ZNF415: variants seen among roughly 807,000 people sequenced by gnomAD.
The protein encoded by ZNF415 is zinc finger protein 415.
In ZNF415, 5 loss-of-function variants were observed where a neutral mutation model predicts 7.3. The observed-to-expected ratio is 0.69, with a 90% CI of 0.36 to 1.44. The LOEUF (loss-of-function observed/expected upper bound fraction) is 1.44, where lower values mean the gene tolerates loss of function less well. Among genes scored for constraint, ZNF415 ranks in the 40% most tolerant of loss-of-function variants. ZNF415 has a pLI of 0.04. For synonymous variants in ZNF415, 207 were observed against 226.3 expected, an observed-to-expected ratio of 0.91 and a Z score of 0.77; for missense variants, 628 against 664.8, an observed-to-expected ratio of 0.94 and a Z score of 0.61.
At chr19:53,115,885 C>T in intron 3 of ZNF415, 1 of 1,233,084 alleles carries the variant, frequency 8.1e-7, no homozygotes, top group South Asian at 1.3e-5. Context: ...AGAATCTCAG[C>T]CCTTTGCTTG....
chr19:53,127,967 C>T (rs1442337605), intron 1 of ZNF415, among the ~76,000 whole-genome samples: 1 of 152,146 alleles, frequency 6.6e-6, no homozygotes, highest in Non-Finnish European at 1.5e-5. Flanking sequence ...AACCCACGTC[C>T]ATGTGCTACA....
chr19:53,122,599 G>C (rs1352883617), intron 2 of ZNF415, 63 bp downstream of exon 2: 19 of 1,611,674 alleles, frequency 1.2e-5, no homozygotes, highest in East Asian at 1.1e-4. Flanking sequence ...CAGCTCCAAG[G>C]CATTGTCTCC....
intron 3 of ZNF415, among the ~76,000 whole-genome samples, chr19:53,110,551 T>G (rs1213295742): frequency 6.6e-6 from 1 of 152,152 alleles, no homozygotes; most frequent in African/African-American, 2.4e-5. Context: ...TTATATTGCA[T>G]GAAACTTACT....
intron 3 of ZNF415, chr19:53,115,684 C>A (rs1032159334): frequency 4.1e-5 from 62 of 1,524,170 alleles, no homozygotes; most frequent in Non-Finnish European, 5.3e-5. Context: ...GGCTTCCTCT[C>A]CCCTCATCTG....
At chr19:53,130,298 A>G (rs986780933) in intron 1 of ZNF415, among the ~76,000 whole-genome samples, 2 of 152,184 alleles carry the variant, frequency 1.3e-5, no homozygotes, top group Non-Finnish European at 2.9e-5. Flanking sequence ...CATTGAAACA[A>G]TCTAAAATTA....
chr19:53,130,536 A>G (rs1305722873), intron 1 of ZNF415, among the ~76,000 whole-genome samples: 1 of 152,244 alleles, frequency 6.6e-6, no homozygotes, highest in Non-Finnish European at 1.5e-5. Flanking sequence ...TTATATACAG[A>G]AAAATAGAAA....
intron 2 of ZNF415, among the ~76,000 whole-genome samples, chr19:53,120,248 G>GT (rs2087776324): frequency 6.6e-6 from 1 of 151,994 alleles, no homozygotes; most frequent in Non-Finnish European, 1.5e-5. Context: ...TATGACACAC[G>GT]TAACAAAATA....
At chr19:53,129,945 A>G (rs1044148388) in intron 1 of ZNF415, among the ~76,000 whole-genome samples, 9 of 151,976 alleles carry the variant, frequency 5.9e-5, no homozygotes, top group African/African-American at 1.2e-4. Flanking sequence ...TGTGCCTGTA[A>G]TCCCAGCTAC....
intron 1 of ZNF415, among the ~76,000 whole-genome samples, chr19:53,130,728 C>A (rs902347760): frequency 2.6e-5 from 4 of 151,980 alleles, no homozygotes; most frequent in African/African-American, 9.7e-5. Flanking sequence ...CTCACTGCAA[C>A]CTCCGCCTCC....
intron 2 of ZNF415, among the ~76,000 whole-genome samples, chr19:53,121,371 T>C (rs28456040): frequency 0.086 from 12,544 of 146,530 alleles, 563 homozygotes; most frequent in East Asian, 0.12. Context: ...GGCGACAGAC[T>C]GAGACTCCGT....
chr19:53,113,730 AAT>A (rs1270617377), intron 3 of ZNF415, among the ~76,000 whole-genome samples: 1 of 152,212 alleles, frequency 6.6e-6, no homozygotes, highest in Non-Finnish European at 1.5e-5. Flanking sequence ...TGGTGTGAAC[AAT>A]AGTTTAGTCA....
In ZNF415 at chr19:53,127,239, C is replaced by CT. The variant is rs745677491; in HGVS notation, c.-67-4497dup. ...CCTGATTCTTAGGATCCCCGTTGCC[C>CT]TCTGGACTCAGACACGCTTACAAAC... On this transcript the variant is annotated intron_variant, in intron 1 of 3. Coordinates refer to ENST00000243643, the MANE Select transcript of ZNF415 (RefSeq NM_018355.4). Among the ~76,000 whole-genome samples, 60 of 152,118 alleles carry CT rather than the reference C, an allele frequency of 3.9e-4. 2 individuals are homozygous for CT. Among genetic ancestry groups the CT allele is most frequent in the Admixed American group, 1.5e-3 (23 of 15,266 alleles).
intron 3 of ZNF415, among the ~76,000 whole-genome samples, chr19:53,112,506 C>G (rs777586425): frequency 2.0e-5 from 3 of 152,154 alleles, no homozygotes; most frequent in Non-Finnish European, 4.4e-5. Context: ...GTCATCACTT[C>G]CTACACATAC....
chr19:53,111,111 G>A (rs1414005864), intron 3 of ZNF415, among the ~76,000 whole-genome samples: 5 of 152,222 alleles, frequency 3.3e-5, no homozygotes, highest in South Asian at 2.1e-4. Flanking sequence ...TGCAGATGGC[G>A]CGTTTGGGAT....
At chr19:53,120,952 C>G (rs1260524541) in intron 2 of ZNF415, among the ~76,000 whole-genome samples, 1 of 151,566 alleles carries the variant, frequency 6.6e-6, no homozygotes, top group Admixed American at 6.6e-5. Context: ...GGTGTGGTGG[C>G]GCGTGCCTGT....
At chr19:53,116,125 G>T in intron 3 of ZNF415, 188 bp downstream of exon 3, 2 of 688,792 alleles carry the variant, frequency 2.9e-6, no homozygotes, top group Non-Finnish European at 4.9e-6. Flanking sequence ...GTTGTATCAT[G>T]AAGGGGTCAG....
Position 53,109,675 on chromosome 19 carries a change from G to A in ZNF415, c.370C>T (p.Gln124Ter). The stretch of plus-strand genomic sequence containing the variant: ...TTTCCTATACCTCTTCTATCGCGTT[G>A]GTCTCTCCTACAAGTAAGATTTTCT... ...PKENLTCRRDQRDRRGIGNKS... is the reference protein window; with the variant it reads ...PKENLTCRRD Residue 124 changes from glutamine to a stop codon, truncating the protein, a stop_gained, in exon 4 of 4, where the codon CAA becomes TAA. Coordinates refer to ENST00000243643, the MANE Select transcript of ZNF415 (RefSeq NM_018355.4). LOFTEE classifies it low-confidence loss of function (END_TRUNC). The A allele has an allele frequency of 6.2e-7, 1 of 1,613,916 alleles. No individual in the cohort carries two copies. The highest frequency in any genetic ancestry group is 1.1e-5 in the South Asian group (1 of 91,058).
Position 53,109,317 on chromosome 19 carries a change from C to T in ZNF415, c.728G>A (p.Gly243Glu). The part of the protein sequence containing the change: ...VRQVSHSGEK[G>E]YKCDLCGKVF... Reference sequence around the variant, plus strand: ...CTTGCCACACAGATCACATTTATATCCTTTCTCTCCAGAATGACTTACCTG... The same window carrying T: ...CTTGCCACACAGATCACATTTATATTCTTTCTCTCCAGAATGACTTACCTG... Residue 243 changes from glycine (G) to glutamate (E), a missense_variant, in exon 4 of 4, where the codon GGA (glycine) becomes GAA (glutamate). Coordinates refer to ENST00000243643, the MANE Select transcript of ZNF415 (RefSeq NM_018355.4). 6.2e-7 allele frequency: 1 copy of T among 1,614,146 alleles called. No homozygotes were observed. The highest frequency in any genetic ancestry group is 8.5e-7 in the Non-Finnish European group (1 of 1,180,018).
intron 3 of ZNF415, 123 bp downstream of exon 3, chr19:53,116,190 C>T: frequency 8.6e-7 from 1 of 1,157,610 alleles, no homozygotes; most frequent in Non-Finnish European, 1.2e-6. Context: ...TGGAGCTTTT[C>T]ATTTCAGAGT....
Sources: gnomAD v4.1 joint callset for allele counts (sites outside exome capture counted in the v4.1 genomes callset) on GRCh38, gnomAD v4.1.1 for gene constraint, MANE v1.5 for transcripts, NCBI Gene and HGNC (gene_info 2026-07-23, HGNC 2026-07-21) for gene names.